FRMD4A: variants seen among roughly 807,000 people sequenced by gnomAD.
FRMD4A encodes FERM domain containing 4A.
A neutral mutation model predicts 129.1 loss-of-function variants in FRMD4A; 29 were observed. The ratio of observed to expected loss-of-function variants is 0.22; its 90% confidence interval spans 0.17 to 0.31. FRMD4A has a LOEUF of 0.31. Ranked by LOEUF, FRMD4A falls within the 10% of genes least tolerant of loss-of-function variation. The probability of loss-of-function intolerance (pLI) is 1.00; values close to 1 mark genes in which losing one functional copy is unlikely to be tolerated. For synonymous variants in FRMD4A, 634 were observed against 571.6 expected, an observed-to-expected ratio of 1.11 and a Z score of -1.56; for missense variants, 1,272 against 1,375.8, an observed-to-expected ratio of 0.92 and a Z score of 1.19.
chr10:13,865,340 G>T (rs2094350931), intron 2 of FRMD4A, among the ~76,000 whole-genome samples: 1 of 152,078 alleles, frequency 6.6e-6, no homozygotes, highest in Non-Finnish European at 1.5e-5. Context: ...AATATGTGTT[G>T]AACCCATAGT....
At chr10:14,033,359 G>T (rs974625437) in intron 2 of FRMD4A, among the ~76,000 whole-genome samples, 1 of 152,024 alleles carries the variant, frequency 6.6e-6, no homozygotes, top group Non-Finnish European at 1.5e-5. Flanking sequence ...TTGTTACATG[G>T]ATATTATTAA....
rs956936759 is a variant in FRMD4A, at chr10:13,646,924, C to T, written c.*114G>A. The T allele has an allele frequency of 2.3e-5, 21 of 910,388 alleles. No homozygotes were observed. The highest frequency in any genetic ancestry group is 9.0e-5 in the African/African-American group (5 of 55,770). The allele number at this position is 910,388 out of a possible 1,614,324, so 56.4% of individuals were successfully genotyped here. A position where few individuals can be genotyped will look rare whatever the true frequency, so the allele number is the denominator to read the frequency against. The stretch of plus-strand genomic sequence containing the variant: ...TGGCGTTGAGGCGGTCAGATTAGGC[C>T]GGGCTGGCTCACACGAGGGTCCCGG... On this transcript the variant is annotated 3_prime_UTR_variant, in exon 25 of 25. Transcript: ENST00000357447.
chr10:13,715,031 T>C (rs1406499743), intron 12 of FRMD4A, among the ~76,000 whole-genome samples: 8 of 145,542 alleles, frequency 5.5e-5, no homozygotes, highest in East Asian at 4.1e-4. Flanking sequence ...AGAGGAAGAC[T>C]CCGTCTCAAA....
At chr10:13,716,593 G>T (rs972776385) in intron 12 of FRMD4A, among the ~76,000 whole-genome samples, 1 of 152,144 alleles carries the variant, frequency 6.6e-6, no homozygotes, top group Non-Finnish European at 1.5e-5. Context: ...GTCAGACAAC[G>T]CGAGCTCTAA....
At chr10:14,176,253 C>A (rs1841722087) in intron 2 of FRMD4A, among the ~76,000 whole-genome samples, 1 of 152,104 alleles carries the variant, frequency 6.6e-6, no homozygotes, top group South Asian at 2.1e-4. Context: ...ACTCATCAAG[C>A]CCTTCCATCT....
chr10:14,099,832 G>T (rs1837203291), intron 2 of FRMD4A, among the ~76,000 whole-genome samples: 1 of 152,104 alleles, frequency 6.6e-6, no homozygotes, highest in African/African-American at 2.4e-5. Context: ...TCCCTCTGTT[G>T]TCCAGGCTGG....
intron 2 of FRMD4A, among the ~76,000 whole-genome samples, chr10:14,120,725 T>C (rs1345494426): frequency 6.6e-6 from 1 of 152,220 alleles, no homozygotes; most frequent in Non-Finnish European, 1.5e-5. Context: ...GAGCCCTCCC[T>C]GCTGCTTTGA....
intron 12 of FRMD4A, among the ~76,000 whole-genome samples, chr10:13,727,212 T>C (rs1167681639): frequency 6.6e-6 from 1 of 152,206 alleles, no homozygotes; most frequent in Non-Finnish European, 1.5e-5. Context: ...AGAGTTTGCA[T>C]TTCTAACACA....
intron 2 of FRMD4A, chr10:13,992,131 A>T (rs776236895): frequency 3.9e-5 from 6 of 152,234 alleles, no homozygotes; most frequent in African/African-American, 1.4e-4. Flanking sequence ...GTGCTTATAG[A>T]TGTTTCTTCT....
intron 2 of FRMD4A, among the ~76,000 whole-genome samples, chr10:13,903,154 C>G (rs1048555079): frequency 1.3e-5 from 2 of 152,104 alleles, no homozygotes; most frequent in Non-Finnish European, 2.9e-5. Context: ...TTTTCAGGTC[C>G]CTGCTCAGAT....
At chr10:13,786,804 C>G (rs1420992757) in intron 5 of FRMD4A, among the ~76,000 whole-genome samples, 1 of 152,082 alleles carries the variant, frequency 6.6e-6, no homozygotes, top group Non-Finnish European at 1.5e-5. Flanking sequence ...CCTTTGTGCT[C>G]TAATGATGAT....
chr10:14,229,077 G>A (rs1449655388), intron 2 of FRMD4A, among the ~76,000 whole-genome samples: 3 of 150,614 alleles, frequency 2.0e-5, no homozygotes, highest in Non-Finnish European at 4.4e-5. Flanking sequence ...TTGGAGAAAT[G>A]TTTTTTCTTG....
At chr10:13,888,808 CT>C (rs1314833390) in intron 2 of FRMD4A, among the ~76,000 whole-genome samples, 9 of 152,146 alleles carry the variant, frequency 5.9e-5, no homozygotes, top group Admixed American at 3.3e-4. Context: ...TTTAAAAGAA[CT>C]TCAAAAGCTG....
At chr10:13,796,782 A>G (rs1230510993) in intron 4 of FRMD4A, among the ~76,000 whole-genome samples, 194 bp from the exon 5 acceptor site, 1 of 152,002 alleles carries the variant, frequency 6.6e-6, no homozygotes, top group Non-Finnish European at 1.5e-5. Flanking sequence ...GTGCAGTGGC[A>G]TGATCTTGGC....
intron 2 of FRMD4A, among the ~76,000 whole-genome samples, chr10:14,304,009 A>C (rs900683932): frequency 2.0e-5 from 3 of 152,190 alleles, no homozygotes; most frequent in African/African-American, 7.2e-5. Flanking sequence ...TTACATATAC[A>C]GCATACCTTT....
rs564049987 is a variant in FRMD4A at position 13,659,307 on chromosome 10, G to T, written c.2066+16C>A. 2 of 1,611,310 alleles carry T rather than the reference G, an allele frequency of 1.2e-6. No homozygotes were observed. The highest frequency in any genetic ancestry group is 1.1e-5 in the South Asian group (1 of 91,024). ...AAGGAAGGCTTGGTCTGAGCAGGAA[G>T]GCCAGGCAGACTCACCTCGTGGAAT... On this transcript the variant is annotated intron_variant, in intron 21 of 24. Transcript: ENST00000357447.
At chr10:13,938,418 T>C (rs963624531) in intron 2 of FRMD4A, among the ~76,000 whole-genome samples, 5 of 152,112 alleles carry the variant, frequency 3.3e-5, no homozygotes, top group African/African-American at 1.2e-4. Flanking sequence ...ATTTTTTGTA[T>C]TTTTAGTAGA....
chr10:14,294,393 C>T (rs760838533), intron 2 of FRMD4A, among the ~76,000 whole-genome samples: 12 of 152,214 alleles, frequency 7.9e-5, no homozygotes, highest in Non-Finnish European at 1.6e-4. Flanking sequence ...TAGGTGTCCT[C>T]CACGTTCACA....
chr10:14,274,485 C>T (rs1004589771), intron 2 of FRMD4A, among the ~76,000 whole-genome samples: 1 of 152,116 alleles, frequency 6.6e-6, no homozygotes, highest in African/African-American at 2.4e-5. Context: ...AGGAAAAGCT[C>T]ATAGGAGATC....
Sources: gnomAD v4.1 joint callset for allele counts (sites outside exome capture counted in the v4.1 genomes callset) on GRCh38, gnomAD v4.1.1 for gene constraint, MANE v1.5 for transcripts, NCBI Gene and HGNC (gene_info 2026-07-23, HGNC 2026-07-21) for gene names.